Variants in MPPED2 observed in about 807,000 individuals in gnomAD.
The protein encoded by MPPED2 is metallophosphoesterase domain containing 2.
In MPPED2, 5 loss-of-function variants were observed where a neutral mutation model predicts 33.0. The ratio of observed to expected loss-of-function variants is 0.15; its 90% CI spans 0.08 to 0.32. MPPED2 has a LOEUF of 0.32. Among genes scored for constraint, MPPED2 ranks in the 10% least tolerant of loss-of-function variants. The pLI is 1.00. For synonymous variants in MPPED2, 136 were observed against 141.9 expected (o/e 0.96, Z 0.29); for missense variants, 275 against 372.1 (o/e 0.74, Z 2.15).
intron 4 of MPPED2, among the ~76,000 whole-genome samples, chr11:30,419,962 G>A (rs573351502): frequency 6.6e-5 from 10 of 152,262 alleles, no homozygotes; most frequent in African/African-American, 2.4e-4. Context: ...ATTAACTTTA[G>A]TTAGATCCTG....
At chr11:30,521,237 A>C (rs1205934931) in intron 3 of MPPED2, among the ~76,000 whole-genome samples, 1 of 152,066 alleles carries the variant, frequency 6.6e-6, no homozygotes, top group Non-Finnish European at 1.5e-5. Context: ...ATTTAGGAAT[A>C]AAACAGAAAG....
intron 6 of MPPED2, among the ~76,000 whole-genome samples, chr11:30,391,696 A>C (rs1274464904): frequency 6.6e-6 from 1 of 152,162 alleles, no homozygotes; most frequent in African/African-American, 2.4e-5. Context: ...AGTTCTCATT[A>C]TTTTCCAATC....
intron 2 of MPPED2, among the ~76,000 whole-genome samples, chr11:30,573,882 T>C (rs1956810206): frequency 6.6e-6 from 1 of 152,072 alleles, no homozygotes; most frequent in East Asian, 1.9e-4. Flanking sequence ...ATAAAAAAGT[T>C]TGGTACAAAA....
chr11:30,451,211 A>T (rs1015693934), intron 4 of MPPED2, among the ~76,000 whole-genome samples: 7 of 152,198 alleles, frequency 4.6e-5, no homozygotes, highest in African/African-American at 1.7e-4. Flanking sequence ...TCCAGCTTTG[A>T]AACTCAATGT....
intron 2 of MPPED2, among the ~76,000 whole-genome samples, chr11:30,560,311 TTA>T (rs1491206959): frequency 4.7e-5 from 7 of 149,420 alleles, no homozygotes; most frequent in African/African-American, 1.7e-4. Flanking sequence ...AGTTTTTTTT[TTA>T]AAAAAAAAAA....
rs1029807740 is a variant in MPPED2 at position 30,536,286 on chromosome 11, G to A, written c.129-111C>T. The A allele has an allele frequency of 7.7e-5, 74 of 961,178 alleles. 1 individual carries two copies. In the South Asian group the frequency reaches 1.9e-3, roughly 25 times the overall value. 59.5% of individuals were successfully genotyped at this position (961,178 alleles called of 1,614,324 possible). A position where few individuals can be genotyped will look rare whatever the true frequency, so the allele number is the denominator to read the frequency against. On this transcript the variant is annotated intron_variant, in intron 2 of 6. Transcript: ENST00000358117. The stretch of plus-strand genomic sequence containing the variant: ...CGTGAATGCACCCAGACAAACTGAC[G>A]CAAAGGCAGAAGGGCCCACTGTAAT...
At chr11:30,430,755 A>G (rs1346879806) in intron 4 of MPPED2, among the ~76,000 whole-genome samples, 1 of 152,260 alleles carries the variant, frequency 6.6e-6, no homozygotes, top group Non-Finnish European at 1.5e-5. Context: ...CCAGTAAAAT[A>G]CATATTATGC....
At chr11:30,554,414 G>A (rs1191252979) in intron 2 of MPPED2, among the ~76,000 whole-genome samples, 1 of 152,080 alleles carries the variant, frequency 6.6e-6, no homozygotes, top group Non-Finnish European at 1.5e-5. Flanking sequence ...TTCCTTGAAG[G>A]GTAGTCTCCT....
intron 1 of MPPED2, among the ~76,000 whole-genome samples, chr11:30,582,144 A>C (rs1302468092): frequency 1.3e-5 from 2 of 152,180 alleles, no homozygotes; most frequent in Non-Finnish European, 2.9e-5. Context: ...AAAACACAAC[A>C]CCTGCTTCAA....
At chr11:30,578,184 G>A (rs1957012081) in intron 2 of MPPED2, among the ~76,000 whole-genome samples, 2 of 152,152 alleles carry the variant, frequency 1.3e-5, no homozygotes, top group Non-Finnish European at 2.9e-5. Flanking sequence ...GATGAGCAGA[G>A]CGTAAATGTG....
intron 3 of MPPED2, among the ~76,000 whole-genome samples, chr11:30,503,541 G>T (rs1018872219): frequency 2.0e-5 from 3 of 151,850 alleles, no homozygotes; most frequent in Non-Finnish European, 4.4e-5. Flanking sequence ...GGTCAGCAAG[G>T]CTAATTGATT....
At chr11:30,457,815 T>C (rs1950342652) in intron 4 of MPPED2, among the ~76,000 whole-genome samples, 1 of 152,078 alleles carries the variant, frequency 6.6e-6, no homozygotes, top group Non-Finnish European at 1.5e-5. Flanking sequence ...TCATCTGGGG[T>C]TTACTTGTGG....
chr11:30,541,750 G>A (rs189131392), intron 2 of MPPED2, among the ~76,000 whole-genome samples: 126 of 152,104 alleles, frequency 8.3e-4, no homozygotes, highest in African/African-American at 2.9e-3. Context: ...GCGCCACCAC[G>A]CCTGGCTAAT....
chr11:30,431,669 A>G (rs1949083048), intron 4 of MPPED2, among the ~76,000 whole-genome samples: 1 of 152,160 alleles, frequency 6.6e-6, no homozygotes, highest in South Asian at 2.1e-4. Flanking sequence ...CACTTTCTAG[A>G]ATCTTCTATA....
chr11:30,489,664 T>G (rs573853622), intron 4 of MPPED2, among the ~76,000 whole-genome samples: 12 of 152,304 alleles, frequency 7.9e-5, no homozygotes, highest in African/African-American at 2.9e-4. Context: ...TACACCTGGG[T>G]CCACTCTAAC....
chr11:30,389,011 C>G, intron 6 of MPPED2: 4 of 1,500,454 alleles, frequency 2.7e-6, no homozygotes, highest in Non-Finnish European at 2.7e-6. Flanking sequence ...TGAACATGAC[C>G]TAAATTATTC....
chr11:30,451,674 A>C (rs1468917383), intron 4 of MPPED2: 1 of 947,568 alleles, frequency 1.1e-6, no homozygotes, highest in East Asian at 1.2e-4. Context: ...CTTAACTTTT[A>C]CTATTTCCTT....
At chr11:30,512,874 A>G (rs552460) in intron 3 of MPPED2, among the ~76,000 whole-genome samples, 146,645 of 152,158 alleles carry the variant, frequency 0.96, 70,813 homozygotes, top group Middle Eastern at 0.99. Context: ...GGTGGTGTAC[A>G]CCTGTGATCG....
At chr11:30,579,404 C>T (rs1957069025) in intron 2 of MPPED2, among the ~76,000 whole-genome samples, 1 of 152,092 alleles carries the variant, frequency 6.6e-6, no homozygotes, top group Non-Finnish European at 1.5e-5. Context: ...TCATGTTAGA[C>T]ATTGGAAGGG....
Sources: allele counts gnomAD v4.1 joint callset (sites outside exome capture counted in the v4.1 genomes callset), GRCh38; gene constraint gnomAD v4.1.1; transcripts MANE v1.5; gene names NCBI Gene and HGNC (gene_info 2026-07-23, HGNC 2026-07-21).